GMDS: variants seen among roughly 807,000 people sequenced by gnomAD.
GMDS encodes GDP-mannose 4,6 dehydratase.
Under a neutral mutation model 49.9 loss-of-function variants are expected in GMDS, and 20 were observed. That is an observed-to-expected ratio of 0.40 (90% confidence interval 0.28 to 0.58). The LOEUF is 0.58. GMDS is among the 20% of genes least tolerant of loss of function. GMDS has a pLI of 0.42. For synonymous variants in GMDS, 177 were observed against 178.6 expected (o/e 0.99, Z 0.07); for missense variants, 362 against 481.4 (o/e 0.75, Z 2.32).
At chr6:1,962,315 C>A (rs888473118) in intron 4 of GMDS, among the ~76,000 whole-genome samples, 12 of 152,224 alleles carry the variant, frequency 7.9e-5, no homozygotes, top group Middle Eastern at 6.3e-3. Flanking sequence ...TATTTGCCTA[C>A]TGTGGATGTT....
chr6:2,068,257 G>A (rs2127455956), intron 4 of GMDS, among the ~76,000 whole-genome samples: 1 of 152,066 alleles, frequency 6.6e-6, no homozygotes, highest in South Asian at 2.1e-4. Flanking sequence ...GTATTGATGG[G>A]ACGTATTTCA....
At chr6:2,069,130 G>T (rs1771816169) in intron 4 of GMDS, among the ~76,000 whole-genome samples, 1 of 152,150 alleles carries the variant, frequency 6.6e-6, no homozygotes. Context: ...AAAACTATCT[G>T]ATCTTTGACA....
At chr6:2,240,508 G>T (rs1182779177) in intron 1 of GMDS, among the ~76,000 whole-genome samples, 1 of 150,898 alleles carries the variant, frequency 6.6e-6, no homozygotes, top group African/African-American at 2.4e-5. Flanking sequence ...GGCAGCTAAG[G>T]CACGAGAATC....
chr6:2,029,042 C>A (rs1768794926), intron 4 of GMDS, among the ~76,000 whole-genome samples: 1 of 150,436 alleles, frequency 6.6e-6, no homozygotes, highest in Non-Finnish European at 1.5e-5. Context: ...GAAATTAAGA[C>A]CTTTACCATA....
chr6:1,849,875 C>T (rs1396223765), intron 7 of GMDS, among the ~76,000 whole-genome samples: 1 of 152,110 alleles, frequency 6.6e-6, no homozygotes, highest in Non-Finnish European at 1.5e-5. Context: ...TTTTCAAAAC[C>T]CTTTCGTGGA....
chr6:1,920,141 G>A (rs531422887), intron 7 of GMDS, among the ~76,000 whole-genome samples: 4 of 152,278 alleles, frequency 2.6e-5, no homozygotes, highest in South Asian at 4.1e-4. Context: ...CTTTGCTTTC[G>A]GGAACATTCA....
intron 1 of GMDS, among the ~76,000 whole-genome samples, chr6:2,244,585 C>T (rs1162273340): frequency 6.6e-6 from 1 of 152,168 alleles, no homozygotes; most frequent in African/African-American, 2.4e-5. Context: ...CACAAACCAG[C>T]CATGCTTAGC....
At chr6:1,788,296 C>T (rs1000183149) in intron 7 of GMDS, among the ~76,000 whole-genome samples, 3 of 152,168 alleles carry the variant, frequency 2.0e-5, no homozygotes, top group African/African-American at 4.8e-5. Context: ...GGATGTCTTA[C>T]GCGTACTGTG....
chr6:1,662,055 G>A (rs1764095192), intron 9 of GMDS, among the ~76,000 whole-genome samples: 1 of 152,122 alleles, frequency 6.6e-6, no homozygotes, highest in Admixed American at 6.5e-5. Context: ...GAAGCTGCTG[G>A]TGGAGAGAGA....
intron 9 of GMDS, among the ~76,000 whole-genome samples, chr6:1,680,263 G>A (rs964154247): frequency 2.0e-5 from 3 of 152,194 alleles, no homozygotes; most frequent in Non-Finnish European, 4.4e-5. Flanking sequence ...CTTGATGTGC[G>A]CCCTTCATCC....
chr6:2,037,820 A>C (rs1356235355), intron 4 of GMDS, among the ~76,000 whole-genome samples: 1 of 152,196 alleles, frequency 6.6e-6, no homozygotes, highest in Non-Finnish European at 1.5e-5. Flanking sequence ...TGGTTTCTAA[A>C]GGAGCCTGAA....
At chr6:1,800,171 A>G (rs1188329371) in intron 7 of GMDS, among the ~76,000 whole-genome samples, 2 of 152,166 alleles carry the variant, frequency 1.3e-5, no homozygotes, top group Non-Finnish European at 2.9e-5. Context: ...CTCCTGAAAT[A>G]AAATTTAGGT....
intron 7 of GMDS, among the ~76,000 whole-genome samples, chr6:1,922,804 C>A (rs192730307): frequency 6.6e-6 from 1 of 152,278 alleles, no homozygotes; most frequent in African/African-American, 2.4e-5. Context: ...AGCTAGCTCC[C>A]GTCTCTGCTG....
At chr6:1,923,151 T>C (rs1761812567) in intron 7 of GMDS, among the ~76,000 whole-genome samples, 1 of 152,180 alleles carries the variant, frequency 6.6e-6, no homozygotes, top group South Asian at 2.1e-4. Context: ...TTTGTCTTTA[T>C]AAACACCCAG....
chr6:2,059,855 A>C (rs914013882), intron 4 of GMDS, among the ~76,000 whole-genome samples: 1 of 151,852 alleles, frequency 6.6e-6, no homozygotes, highest in Non-Finnish European at 1.5e-5. Flanking sequence ...TGGCCCCCAA[A>C]AATTTGCATA....
intron 1 of GMDS, among the ~76,000 whole-genome samples, chr6:2,221,279 A>G (rs1026761968): frequency 6.6e-6 from 1 of 152,228 alleles, no homozygotes; most frequent in Admixed American, 6.5e-5. Context: ...CTCACTTGTA[A>G]TATCATGATT....
intron 7 of GMDS, among the ~76,000 whole-genome samples, chr6:1,761,810 C>A (rs542472057): frequency 2.0e-5 from 3 of 152,232 alleles, no homozygotes; most frequent in Admixed American, 6.5e-5. Flanking sequence ...AAGCAAGAGT[C>A]CTTAACATAT....
chr6:2,176,086 A>ACCAGAATT, intron 1 of GMDS: 1 of 1,005,322 alleles, frequency 9.9e-7, no homozygotes, highest in Non-Finnish European at 1.5e-6. Context: ...GCACACTGAC[A>ACCAGAATT]ACATGTAATT....
At chr6:1,695,169 G>A (rs1052804079) in intron 9 of GMDS, among the ~76,000 whole-genome samples, 6 of 152,252 alleles carry the variant, frequency 3.9e-5, no homozygotes, top group South Asian at 2.1e-4. Flanking sequence ...AGGAAAGCTC[G>A]TCTGCACAAT....
Sources: gnomAD v4.1 joint callset for allele counts (sites outside exome capture counted in the v4.1 genomes callset) on GRCh38, gnomAD v4.1.1 for gene constraint, MANE v1.5 for transcripts, NCBI Gene and HGNC (gene_info 2026-07-23, HGNC 2026-07-21) for gene names.